The following FMNL2 variants were observed in gnomAD, a reference collection of about 807,000 sequenced individuals.
FMNL2 encodes formin-like protein 2.
A neutral mutation model predicts 130.2 loss-of-function variants in FMNL2; 51 were observed. The ratio of observed to expected loss-of-function variants is 0.39; its 90% CI spans 0.31 to 0.49. FMNL2 has a LOEUF of 0.49. Among genes scored for constraint, FMNL2 ranks in the 20% least tolerant of loss-of-function variants. FMNL2 has a pLI of 0.85. For synonymous variants in FMNL2, 465 were observed against 467.1 expected (o/e 1.00, Z 0.06); for missense variants, 977 against 1,316.2 (o/e 0.74, Z 3.99).
chr2:152,579,067 C>A, intron 8 of FMNL2, 103 bp downstream of exon 8: 1 of 917,114 alleles, frequency 1.1e-6, no homozygotes, highest in Non-Finnish European at 1.7e-6. Context: ...AAGTGTTAAT[C>A]TCTGAAATAA....
intron 1 of FMNL2, among the ~76,000 whole-genome samples, chr2:152,424,160 C>G (rs1293738054): frequency 6.6e-6 from 1 of 152,150 alleles, no homozygotes; most frequent in African/African-American, 2.4e-5. Context: ...AAAATGACCA[C>G]TCTAGTTTTT....
chr2:152,557,445 G>A (rs557696350), intron 4 of FMNL2, among the ~76,000 whole-genome samples: 27 of 152,330 alleles, frequency 1.8e-4, no homozygotes, highest in Non-Finnish European at 2.9e-4. Flanking sequence ...GAAAACACAA[G>A]GCAATCTTTC....
intron 1 of FMNL2, among the ~76,000 whole-genome samples, chr2:152,469,997 C>A (rs537928195): frequency 6.6e-6 from 1 of 152,150 alleles, no homozygotes; most frequent in Non-Finnish European, 1.5e-5. Context: ...TCCTAGGAAA[C>A]CTTTTTAAAA....
chr2:152,516,144 A>G (rs2105378204), intron 1 of FMNL2, among the ~76,000 whole-genome samples: 1 of 152,244 alleles, frequency 6.6e-6, no homozygotes, highest in African/African-American at 2.4e-5. Context: ...GCTCCGGGGA[A>G]GGGAACATGG....
chr2:152,402,386 G>T (rs976642208), intron 1 of FMNL2, among the ~76,000 whole-genome samples: 19 of 152,176 alleles, frequency 1.2e-4, no homozygotes, highest in African/African-American at 4.6e-4. Flanking sequence ...CGGGCTCCAG[G>T]ATCCTTTCCC....
intron 15 of FMNL2, among the ~76,000 whole-genome samples, chr2:152,624,611 G>A (rs901815589): frequency 2.6e-5 from 4 of 152,146 alleles, no homozygotes; most frequent in African/African-American, 7.2e-5. Context: ...GGCCGAGTGG[G>A]GAAGCTCGCT....
At chr2:152,546,485 C>T (rs1347517906) in intron 3 of FMNL2, among the ~76,000 whole-genome samples, 1 of 152,100 alleles carries the variant, frequency 6.6e-6, no homozygotes, top group Admixed American at 6.6e-5. Context: ...AGTTCAGGCG[C>T]TATCTGCCCC....
Position 152,614,890 on chromosome 2 carries a change from A to C in FMNL2, c.1102A>C (p.Ile368Leu). The change falls in exon 12 of 26, where the codon ATC (isoleucine) becomes CTC (leucine). Residue 368 changes from isoleucine to leucine, a missense_variant. Coordinates refer to ENST00000288670, the MANE Select transcript of FMNL2 (RefSeq NM_052905.4). ...TGAGAGTGACAAGCTTCAAGTCCAG[A>C]TCCAGGCTTACCTGGACAATGTTTT... ...HTESDKLQVQ[I>L]QAYLDNVFDV... 2 of 1,613,418 alleles carry C rather than the reference A, an allele frequency of 1.2e-6. 1 individual carries two copies. The highest frequency in any genetic ancestry group is 4.5e-5 in the East Asian group (2 of 44,858).
intron 1 of FMNL2, among the ~76,000 whole-genome samples, chr2:152,387,569 G>A (rs919006901): frequency 2.6e-5 from 4 of 152,162 alleles, no homozygotes; most frequent in Non-Finnish European, 5.9e-5. Context: ...TGCTTATACT[G>A]CATTCAGTAG....
intron 14 of FMNL2, 73 bp downstream of exon 14, chr2:152,619,231 T>G: frequency 6.8e-7 from 1 of 1,470,828 alleles, no homozygotes; most frequent in Non-Finnish European, 9.0e-7. Context: ...ACTGTCCACT[T>G]CTGTCCTTTG....
intron 1 of FMNL2, among the ~76,000 whole-genome samples, chr2:152,339,567 A>G (rs1277736732): frequency 6.6e-6 from 1 of 152,242 alleles, no homozygotes; most frequent in African/African-American, 2.4e-5. Context: ...GGAAAGGACA[A>G]TTTTAAGTCT....
At chr2:152,561,162 C>T (rs970022103) in intron 6 of FMNL2, 127 bp downstream of exon 6, 1 of 966,212 alleles carries the variant, frequency 1.0e-6, no homozygotes, top group Non-Finnish European at 1.5e-6. Flanking sequence ...TGCAATGACT[C>T]TAAATGAATG....
intron 10 of FMNL2, among the ~76,000 whole-genome samples, chr2:152,609,412 T>G (rs1447518787): frequency 6.6e-6 from 1 of 152,228 alleles, no homozygotes; most frequent in Non-Finnish European, 1.5e-5. Flanking sequence ...GGAATGCAAT[T>G]AGGTTGCACA....
At chr2:152,542,621 C>A in intron 2 of FMNL2, 118 bp from the exon 3 acceptor site, 1 of 932,568 alleles carries the variant, frequency 1.1e-6, no homozygotes, top group Non-Finnish European at 1.7e-6. Context: ...TGACTGCTCG[C>A]AGGGCCACAT....
At chr2:152,459,082 A>AT (rs957425936) in intron 1 of FMNL2, among the ~76,000 whole-genome samples, 3 of 152,066 alleles carry the variant, frequency 2.0e-5, no homozygotes, top group African/African-American at 7.2e-5. Flanking sequence ...AAACCTCTAG[A>AT]TTTTTTTTGT....
chr2:152,439,337 T>C (rs1687938309), intron 1 of FMNL2, among the ~76,000 whole-genome samples: 1 of 152,216 alleles, frequency 6.6e-6, no homozygotes, highest in Admixed American at 6.5e-5. Context: ...TAAGACAGGT[T>C]ATTATTTTCA....
chr2:152,378,163 T>G (rs1020206853), intron 1 of FMNL2, among the ~76,000 whole-genome samples: 1 of 151,600 alleles, frequency 6.6e-6, no homozygotes, highest in African/African-American at 2.4e-5. Flanking sequence ...GTGTTTACTC[T>G]GCAAACAATC....
At chr2:152,427,100 T>C (rs1432036132) in intron 1 of FMNL2, among the ~76,000 whole-genome samples, 2 of 152,200 alleles carry the variant, frequency 1.3e-5, no homozygotes, top group East Asian at 3.8e-4. Context: ...ACTCTGATGT[T>C]GGAACGGTTA....
chr2:152,470,570 A>G (rs576953879), intron 1 of FMNL2, among the ~76,000 whole-genome samples: 3 of 152,334 alleles, frequency 2.0e-5, no homozygotes, highest in African/African-American at 7.2e-5. Context: ...ATTATACCCT[A>G]TGAGAAAAAA....
Sources: gnomAD v4.1 joint callset for allele counts (sites outside exome capture counted in the v4.1 genomes callset) on GRCh38, gnomAD v4.1.1 for gene constraint, MANE v1.5 for transcripts, NCBI Gene and HGNC (gene_info 2026-07-23, HGNC 2026-07-21) for gene names.